Variants in UBR2 observed in about 807,000 individuals in gnomAD.
UBR2 encodes the protein E3 ubiquitin-protein ligase UBR2.
UBR2 carries 92 observed loss-of-function variants against 247.9 expected under a neutral mutation model. The observed-to-expected ratio is 0.37, with a 90% confidence interval of 0.31 to 0.44. The LOEUF is 0.44. UBR2 is among the 20% of genes least tolerant of loss of function. UBR2 has a pLI of 1.00. For synonymous variants in UBR2, 672 were observed against 693.5 expected (o/e 0.97, Z 0.49); for missense variants, 1,613 against 2,112.6 (o/e 0.76, Z 4.64).
At chr6:42,656,149 C>G (rs1797428256) in intron 26 of UBR2, among the ~76,000 whole-genome samples, 1 of 152,050 alleles carries the variant, frequency 6.6e-6, no homozygotes, top group African/African-American at 2.4e-5. Flanking sequence ...CAGTAGTTTG[C>G]TATATTTGCT....
intron 1 of UBR2, 131 bp from the exon 2 acceptor site, chr6:42,573,603 G>C: frequency 3.9e-6 from 4 of 1,021,204 alleles, no homozygotes; most frequent in Non-Finnish European, 5.4e-6. Flanking sequence ...ACGTACGGTG[G>C]TGAGTGTTGT....
chr6:42,602,929 A>C (rs1336905039), intron 4 of UBR2, among the ~76,000 whole-genome samples: 1 of 152,130 alleles, frequency 6.6e-6, no homozygotes, highest in Non-Finnish European at 1.5e-5. Context: ...ATAGTGCAAA[A>C]CATTTTGCTA....
chr6:42,672,963 C>A (rs1375023159), intron 36 of UBR2, among the ~76,000 whole-genome samples: 1 of 152,114 alleles, frequency 6.6e-6, no homozygotes, highest in African/African-American at 2.4e-5. Context: ...AAAAAACAAG[C>A]AGGAAGAAAA....
At chr6:42,673,685 A>G (rs1163572219) in intron 36 of UBR2, 106 bp from the exon 37 acceptor site, 6 of 716,320 alleles carry the variant, frequency 8.4e-6, no homozygotes, top group Non-Finnish European at 1.5e-5. Context: ...GTTCCATACC[A>G]TCTAGAGCAG....
intron 16 of UBR2, among the ~76,000 whole-genome samples, 179 bp from the exon 17 acceptor site, chr6:42,641,403 G>A (rs143421349): frequency 4.6e-5 from 7 of 152,144 alleles, no homozygotes; most frequent in Non-Finnish European, 5.9e-5. Context: ...GGCCGAGATC[G>A]CACCACTGCA....
rs1218389010 is a variant in UBR2, at chr6:42,683,120, A to T, written c.4775+9A>T. 6.2e-7 allele frequency: 1 copy of T among 1,610,326 alleles called. No individual in the cohort carries two copies. The highest frequency in any genetic ancestry group is 8.5e-7 in the Non-Finnish European group (1 of 1,178,082). On this transcript the variant is annotated intron_variant, in intron 43 of 46. Transcript: ENST00000372901. ...GAAAGAGATGCTATAAGGTAAGTTA[A>T]AGAGCCTCAAAAACTTTATTGAGGT...
At chr6:42,637,954 T>C (rs1185926135) in intron 15 of UBR2, among the ~76,000 whole-genome samples, 1 of 152,258 alleles carries the variant, frequency 6.6e-6, no homozygotes, top group Non-Finnish European at 1.5e-5. Flanking sequence ...TTGAAGGTAT[T>C]TTTACTCATT....
chr6:42,657,585 C>T (rs1797515384), intron 26 of UBR2, among the ~76,000 whole-genome samples: 1 of 152,168 alleles, frequency 6.6e-6, no homozygotes, highest in Non-Finnish European at 1.5e-5. Context: ...TTCAAATAAA[C>T]AAACTATGAA....
In UBR2 at chr6:42,564,041, G is replaced by T. The variant is rs961319175; in HGVS notation, c.-279G>T. On this transcript the variant is annotated 5_prime_UTR_variant, in exon 1 of 47. Transcript: ENST00000372901. Reference sequence around the variant, plus strand: ...GGTGCAGGACGCGGTAGTGGCCAGCGAGAGTGTCAGGCCTGGGGTTTTCTG... The same window carrying T: ...GGTGCAGGACGCGGTAGTGGCCAGCTAGAGTGTCAGGCCTGGGGTTTTCTG... 5 of 482,210 alleles carry T rather than the reference G, an allele frequency of 1.0e-5. No individual in the cohort carries two copies. Among genetic ancestry groups the T allele is most frequent in the Non-Finnish European group, 1.8e-5 (5 of 274,026 alleles). 29.9% of individuals were successfully genotyped at this position (482,210 alleles called of 1,614,324 possible). A position where few individuals can be genotyped will look rare whatever the true frequency, so the allele number is the denominator to read the frequency against.
Position 42,632,686 on chromosome 6 carries a change from G to A in UBR2, c.1416G>A (p.Arg472=). The A allele has an allele frequency of 1.2e-6, 2 of 1,610,922 alleles. No homozygotes were observed. Among genetic ancestry groups the A allele is most frequent in the Non-Finnish European group, 1.7e-6 (2 of 1,178,930 alleles). Residue 472 remains arginine, a synonymous_variant, in exon 12 of 47, where the codon AGG becomes AGA. Transcript: ENST00000372901. ...CTGCTTTACAAGCCTTCAAATTTAG[G>A]AGAGTACAGAGCCTTATTTTAGATC... ...RYTALQAFKF[R]RVQSLILDLK...
Position 42,659,454 on chromosome 6 carries a change from T to C in UBR2, c.3243-202T>C, listed in dbSNP as rs1310498063. Among the ~76,000 whole-genome samples the C allele has an allele frequency of 6.6e-6, 1 of 150,900 alleles. No homozygotes were observed. The highest frequency in any genetic ancestry group is 1.5e-5 in the Non-Finnish European group (1 of 67,788). The stretch of plus-strand genomic sequence containing the variant: ...AGGCGGAGGTTGCAGTGAGCCAAGA[T>C]TGTGCCACTCACCCCAGCCTGGGTG... On this transcript the variant is annotated intron_variant, in intron 29 of 46. Coordinates refer to ENST00000372901, the MANE Select transcript of UBR2 (RefSeq NM_001363705.2). This position sits in a 1 kb window ranked among gnomAD's most constrained non-coding sequence, Gnocchi z 4.3.
At chr6:42,646,614 C>T (rs1355642767) in intron 21 of UBR2, among the ~76,000 whole-genome samples, 1 of 152,118 alleles carries the variant, frequency 6.6e-6, no homozygotes, top group African/African-American at 2.4e-5. Flanking sequence ...TGGAATGCTA[C>T]TGGTATCTAG....
chr6:42,667,352 AAAAG>A (rs1170851291), intron 34 of UBR2, among the ~76,000 whole-genome samples: 3 of 151,636 alleles, frequency 2.0e-5, no homozygotes, highest in South Asian at 4.1e-4. Flanking sequence ...AAAAAAAAGA[AAAAG>A]AAAAAACTTC....
At chr6:42,677,547 G>A (rs775936514) in intron 40 of UBR2, among the ~76,000 whole-genome samples, 1 of 152,196 alleles carries the variant, frequency 6.6e-6, no homozygotes, top group Non-Finnish European at 1.5e-5. Context: ...GGAGAATGAG[G>A]CTGGCAGATT....
intron 26 of UBR2, among the ~76,000 whole-genome samples, chr6:42,656,997 G>A (rs1385798012): frequency 2.6e-5 from 4 of 152,080 alleles, no homozygotes; most frequent in Non-Finnish European, 4.4e-5. Context: ...CACTTTGGGA[G>A]ATCAAGGTGG....
chr6:42,643,128 C>T (rs903122976), intron 18 of UBR2, among the ~76,000 whole-genome samples: 20 of 152,052 alleles, frequency 1.3e-4, no homozygotes, highest in African/African-American at 4.3e-4. Context: ...TTAACCCTGC[C>T]GTAGCACTCA....
rs185485219 is a variant in UBR2 at position 42,575,050 on chromosome 6, A to T, written c.338+1057A>T. On this transcript the variant is annotated intron_variant, in intron 2 of 46. Transcript: ENST00000372901. ...AGGCCAAGATATATGGCAATTTTAA[A>T]CCTACATACATAAATACAGATGGGA... Among the ~76,000 whole-genome samples, 1,300 of 152,278 alleles carry T rather than the reference A, an allele frequency of 8.5e-3. 8 individuals are homozygous for T. The highest frequency in any genetic ancestry group is 0.015 in the Non-Finnish European group (991 of 68,026).
At chr6:42,619,805 C>T in intron 11 of UBR2, 1 of 315,274 alleles carries the variant, frequency 3.2e-6, no homozygotes, top group Non-Finnish European at 4.6e-6. Context: ...GCAGCTTTGA[C>T]CACCTGGGCT....
In UBR2 at chr6:42,612,276, A is replaced by T. The variant is rs1448384738; in HGVS notation, c.970A>T (p.Ile324Phe). 1 of 1,516,572 alleles carries T rather than the reference A, an allele frequency of 6.6e-7. No individual in the cohort carries two copies. The highest frequency in any genetic ancestry group is 1.7e-5 in the Admixed American group (1 of 58,804). 93.9% of individuals were successfully genotyped at this position (1,516,572 alleles called of 1,614,324 possible). A position where few individuals can be genotyped will look rare whatever the true frequency, so the allele number is the denominator to read the frequency against. ...GLKLLSWLGS[I>F]IGYSDGLRRI... The stretch of plus-strand genomic sequence containing the variant: ...GAAACTTTTGTCTTGGCTGGGAAGT[A>T]TTATTGGATATTCAGGTAGGTTCAT... The change falls in exon 8 of 47, where the codon ATT becomes TTT. Residue 324 changes from isoleucine to phenylalanine, a missense_variant. By Grantham distance (21) the Ile-to-Phe change is conservative. Around this residue, in one of 3 missense-constraint regions of UBR2, gnomAD observed 1,524 missense variants for 1,967.3 expected, o/e 0.77. Transcript: ENST00000372901.
Sources: allele counts gnomAD v4.1 joint callset (sites outside exome capture counted in the v4.1 genomes callset), GRCh38; gene constraint gnomAD v4.1.1; regional missense constraint gnomAD v4.1.1; non-coding constraint Gnocchi (gnomAD v3.1); transcripts MANE v1.5; gene names NCBI Gene and HGNC (gene_info 2026-07-23, HGNC 2026-07-21).